The following YLPM1 variants were observed in gnomAD, a reference collection of about 807,000 sequenced individuals.
The protein encoded by YLPM1 is YLP motif containing 1, also known as YLP motif-containing protein 1.
YLPM1 carries 99 observed loss-of-function variants against 230.0 expected under a neutral mutation model. The ratio of observed to expected loss-of-function variants is 0.43; its 90% CI spans 0.37 to 0.51. The LOEUF is 0.51. YLPM1 is among the 20% of genes least tolerant of loss of function. The probability of loss-of-function intolerance (pLI) is 0.00; values close to 1 mark genes in which losing one functional copy is unlikely to be tolerated. For missense variants in YLPM1, 2,592 were observed against 2,707.7 expected (o/e 0.96, Z 0.95); for synonymous variants, 984 against 942.5 (o/e 1.04, Z -0.81).
In YLPM1 at chr14:74,821,086, C is replaced by T. The variant is rs1367128537; in HGVS notation, c.6060C>T (p.Ile2020=). ...AGATGGAAGATTTTGATGCAAATAT[C>T]GAAGAACAGAAAGAAGAAAAGAAAG... The part of the protein sequence containing the change: ...EVEMEDFDAN[I]EEQKEEKKDA... The change falls in exon 17 of 21, where the codon ATC becomes ATT. Residue 2020 remains isoleucine (I), a synonymous_variant. Transcript: ENST00000325680. The T allele has an allele frequency of 1.5e-5, 23 of 1,524,340 alleles. No homozygotes were observed. The highest frequency in any genetic ancestry group is 8.4e-5 in the Admixed American group (4 of 47,722). 94.4% of individuals were successfully genotyped at this position (1,524,340 alleles called of 1,614,324 possible). A position where few individuals can be genotyped will look rare whatever the true frequency, so the allele number is the denominator to read the frequency against.
intron 19 of YLPM1, among the ~76,000 whole-genome samples, chr14:74,830,157 G>GAGGT: frequency 6.6e-6 from 1 of 152,348 alleles, no homozygotes; most frequent in South Asian, 2.1e-4. Context: ...TGGCAACATG[G>GAGGT]AGGTCACTGA....
Position 74,795,271 on chromosome 14 carries a change from T to C in YLPM1, c.2283-2309T>C, listed in dbSNP as rs1320284396. ...TAAAGTTGGGGTCTCAACTTCAGGT[T>C]AGTGGAATCATTTGTTGTGTCCCCT... is the stretch of plus-strand genomic sequence containing the variant. On this transcript the variant is annotated intron_variant, in intron 4 of 20. Transcript: ENST00000325680. 7.2e-5 allele frequency among the ~76,000 whole-genome samples: 11 copies of C among 152,246 alleles called. No individual in the cohort carries two copies. In the East Asian group the frequency reaches 1.9e-3, roughly 27 times the overall value.
chr14:74,806,872 CAAT>C (rs1594832683), intron 6 of YLPM1, among the ~76,000 whole-genome samples: 1 of 150,986 alleles, frequency 6.6e-6, no homozygotes, highest in South Asian at 2.1e-4. Flanking sequence ...CTCATATAAA[CAAT>C]AATTTTAAAA....
intron 5 of YLPM1, among the ~76,000 whole-genome samples, chr14:74,800,261 C>G (rs779430678): frequency 3.9e-5 from 6 of 152,152 alleles, no homozygotes; most frequent in Non-Finnish European, 8.8e-5. Context: ...TTATTTGTTT[C>G]TACATAACCA....
rs1208444510 is a variant in YLPM1, at chr14:74,798,981, A to G, written c.3684A>G (p.Arg1228=). The change falls in exon 5 of 21, where the codon AGA becomes AGG. Residue 1228 remains arginine (R), a synonymous_variant. Transcript: ENST00000325680. ...ACTGGGATAGAGAGAGATACTGGAG[A>G]GAATGTGAACGTGACTATCAAGATG... ...LDDWDRERYW[R]ECERDYQDDT... is the part of the protein sequence containing the mutation. 6.2e-7 allele frequency: 1 copy of G among 1,613,762 alleles called. No individual in the cohort carries two copies. The highest frequency in any genetic ancestry group is 1.3e-5 in the African/African-American group (1 of 74,910).
chr14:74,790,901 G>C (rs967064737), intron 4 of YLPM1, among the ~76,000 whole-genome samples: 1 of 152,128 alleles, frequency 6.6e-6, no homozygotes, highest in African/African-American at 2.4e-5. Context: ...AATGAAAACG[G>C]TTTTGAGTCT....
In YLPM1 at chr14:74,764,246, C is replaced by A. The variant is rs1342634117; in HGVS notation, c.757C>A (p.Pro253Thr). The change falls in exon 1 of 21, where the codon CCC (proline) becomes ACC (threonine). Residue 253 changes from proline to threonine, a missense_variant. Around this residue, in one of 4 missense-constraint regions of YLPM1, gnomAD observed 1,862 missense variants for 1,819.8 expected, o/e 1.02. Transcript: ENST00000325680. Reference sequence around the variant, plus strand: ...ACTAGCTCCACCACCACCGTCCGCCCCCCCTGGAAATAAGACAACTGTCCA... The same window carrying A: ...ACTAGCTCCACCACCACCGTCCGCCACCCCTGGAAATAAGACAACTGTCCA... ...QLLAPPPPSAPPGNKTTVQQE... is the reference protein window; with the variant it reads ...QLLAPPPPSATPGNKTTVQQE... 1 of 1,613,922 alleles carries A rather than the reference C, an allele frequency of 6.2e-7. No homozygotes were observed. Among genetic ancestry groups the A allele is most frequent in the Non-Finnish European group, 8.5e-7 (1 of 1,179,870 alleles).
At position 74,818,043 on chromosome 14, in the gene YLPM1, G is replaced by A. The variant is rs146941099; in HGVS notation, c.5947-188G>A. ...TACACTCCAGCCTGGGTGACAGACC[G>A]AGATTCTGTCTCAAAAAAAAAAAGA... On this transcript the variant is annotated intron_variant, in intron 15 of 20. Transcript: ENST00000325680. Among the ~76,000 whole-genome samples the A allele has an allele frequency of 6.4e-3, 951 of 148,940 alleles. 8 individuals are homozygous for A. Among genetic ancestry groups the A allele is most frequent in the South Asian group, 0.03 (136 of 4,532 alleles).
At position 74,798,953 on chromosome 14, in the gene YLPM1, A is replaced by G; in HGVS notation, c.3656A>G (p.Asp1219Gly). 6.2e-7 allele frequency: 1 copy of G among 1,613,780 alleles called. No homozygotes were observed. Among genetic ancestry groups the G allele is most frequent in the Non-Finnish European group, 8.5e-7 (1 of 1,179,850 alleles). The stretch of plus-strand genomic sequence containing the variant: ...GCTCCAATGGAACGAGAAAGACTCG[A>G]TGACTGGGATAGAGAGAGATACTGG... ...RNAPMERERLDDWDRERYWRE... is the reference protein window; with the variant it reads ...RNAPMERERLGDWDRERYWRE... Residue 1219 changes from aspartate (D) to glycine (G), a missense_variant, in exon 5 of 21, where the codon GAT (aspartate) becomes GGT (glycine). This residue lies in a region of YLPM1 where 1,862 missense variants were observed against 1,819.8 expected (regional missense o/e 1.02). Coordinates refer to ENST00000325680, the MANE Select transcript of YLPM1 (RefSeq NM_019589.3).
At position 74,809,440 on chromosome 14, in the gene YLPM1, C is replaced by A. The variant is rs1224128129; in HGVS notation, c.4582C>A (p.Pro1528Thr). 6.2e-7 allele frequency: 1 copy of A among 1,605,090 alleles called. No homozygotes were observed. Residue 1528 changes from proline (P) to threonine (T), a missense_variant, in exon 7 of 21, where the codon CCC (proline) becomes ACC (threonine). Coordinates refer to ENST00000325680, the MANE Select transcript of YLPM1 (RefSeq NM_019589.3). ...CAAACCACCAGGTTCAATTGTAAGA[C>A]CCTCTGCTCCACCAGCAAGATCATC... is the stretch of plus-strand genomic sequence containing the variant. ...MGKPPGSIVR[P>T]SAPPARSSVP...
intron 18 of YLPM1, among the ~76,000 whole-genome samples, chr14:74,825,624 A>T (rs1051373134): frequency 2.0e-5 from 3 of 151,984 alleles, no homozygotes; most frequent in Non-Finnish European, 4.4e-5. Context: ...CGTTAGATTA[A>T]CTCTCTGTGA....
At chr14:74,825,398 A>AT (rs1358857804) in intron 18 of YLPM1, among the ~76,000 whole-genome samples, 1 of 151,854 alleles carries the variant, frequency 6.6e-6, no homozygotes, top group Admixed American at 6.6e-5. Context: ...AGTCTAAAAG[A>AT]TTTTTTTTAG....
At chr14:74,827,810 C>T (rs1228585866) in intron 18 of YLPM1, 2 of 985,020 alleles carry the variant, frequency 2.0e-6, no homozygotes, top group African/African-American at 1.7e-5. Flanking sequence ...AACCTGTGTC[C>T]CTGTGCAGTC....
chr14:74,786,089 C>T (rs768017592), intron 4 of YLPM1, among the ~76,000 whole-genome samples: 1 of 151,934 alleles, frequency 6.6e-6, no homozygotes, highest in African/African-American at 2.4e-5. Flanking sequence ...TGGCCAGGTG[C>T]GGTTGCTCAT....
chr14:74,797,788 C>T lies in YLPM1; in HGVS notation c.2491C>T (p.Arg831Ter), dbSNP rs764707969. 6.2e-7 allele frequency: 1 copy of T among 1,613,898 alleles called. No homozygotes were observed. Among genetic ancestry groups the T allele is most frequent in the Non-Finnish European group, 8.5e-7 (1 of 1,179,880 alleles). ...YITPSTSLSP[R>*]QSGPQWKGPK... ...TACCCCCAGTACATCCCTAAGTCCTCGACAGAGTGGACCACAGTGGAAAGG... is the reference window on the plus strand; with the variant it reads ...TACCCCCAGTACATCCCTAAGTCCTTGACAGAGTGGACCACAGTGGAAAGG... Residue 831 changes from arginine (R) to a stop codon, truncating the protein, a stop_gained, in exon 5 of 21, where the codon CGA becomes TGA. Coordinates refer to ENST00000325680, the MANE Select transcript of YLPM1 (RefSeq NM_019589.3). LOFTEE classifies it high-confidence loss of function.
intron 1 of YLPM1, among the ~76,000 whole-genome samples, chr14:74,767,252 C>T (rs1442744003): frequency 6.6e-6 from 1 of 152,156 alleles, no homozygotes; most frequent in Non-Finnish European, 1.5e-5. Flanking sequence ...TCATCTAATA[C>T]CTGATCCGTT....
intron 11 of YLPM1, among the ~76,000 whole-genome samples, chr14:74,814,069 A>G (rs1299762108): frequency 6.6e-6 from 1 of 152,228 alleles, no homozygotes; most frequent in Admixed American, 6.5e-5. Flanking sequence ...TTTTACCATT[A>G]AGAATGATGT....
At chr14:74,824,956 T>C (rs947674997) in intron 18 of YLPM1, among the ~76,000 whole-genome samples, 5 of 152,132 alleles carry the variant, frequency 3.3e-5, no homozygotes, top group Non-Finnish European at 5.9e-5. Context: ...ATTCCCTCTA[T>C]TATTTGTTGG....
In YLPM1 at chr14:74,797,793, G is replaced by A; in HGVS notation, c.2496G>A (p.Gln832=). The part of the protein sequence containing the change: ...ITPSTSLSPR[Q]SGPQWKGPKP... Reference sequence around the variant, plus strand: ...CCAGTACATCCCTAAGTCCTCGACAGAGTGGACCACAGTGGAAAGGCCCCA... The same window carrying A: ...CCAGTACATCCCTAAGTCCTCGACAAAGTGGACCACAGTGGAAAGGCCCCA... The change falls in exon 5 of 21, where the codon CAG becomes CAA. Residue 832 remains glutamine, a synonymous_variant. Transcript: ENST00000325680. 6.2e-7 allele frequency: 1 copy of A among 1,613,968 alleles called. No homozygotes were observed. The highest frequency in any genetic ancestry group is 1.1e-5 in the South Asian group (1 of 91,076).
Sources: allele counts gnomAD v4.1 joint callset (sites outside exome capture counted in the v4.1 genomes callset), GRCh38; gene constraint gnomAD v4.1.1; regional missense constraint gnomAD v4.1.1; transcripts MANE v1.5; gene names NCBI Gene and HGNC (gene_info 2026-07-23, HGNC 2026-07-21).